FHAD1: variants seen among roughly 807,000 people sequenced by gnomAD.
The protein encoded by FHAD1 is forkhead associated phosphopeptide binding domain 1.
Under a neutral mutation model 191.3 loss-of-function variants are expected in FHAD1, and 146 were observed. That is an observed-to-expected ratio of 0.76 (90% CI 0.67 to 0.88). FHAD1 has a LOEUF of 0.88. FHAD1 is among the 40% of genes least tolerant of loss of function. The pLI is 0.00. For missense variants in FHAD1, 1,635 were observed against 1,785.8 expected, an observed-to-expected ratio of 0.92 and a Z score of 1.52; for synonymous variants, 616 against 672.3, an observed-to-expected ratio of 0.92 and a Z score of 1.29.
At chr1:15,365,973 C>T (rs1696297628) in intron 24 of FHAD1, 40 bp downstream of exon 24, 1 of 1,362,386 alleles carries the variant, frequency 7.3e-7, no homozygotes, top group Non-Finnish European at 1.0e-6. Context: ...TCCTGACCCA[C>T]TCGAGAAAGG....
chr1:15,280,069 GAGA>G (rs1345028117), intron 3 of FHAD1, among the ~76,000 whole-genome samples: 1 of 152,170 alleles, frequency 6.6e-6, no homozygotes, highest in East Asian at 1.9e-4. Context: ...GGTGTATGAT[GAGA>G]AGGACACAGA....
intron 21 of FHAD1, 38 bp downstream of exon 21, chr1:15,358,321 C>T (rs1693535120): frequency 6.6e-7 from 1 of 1,511,912 alleles, no homozygotes; most frequent in East Asian, 2.5e-5. Context: ...GAATTTTTCT[C>T]TCAATGGAAG....
rs1407972629 is a variant in FHAD1, at chr1:15,394,590, C to T, written c.4324-2707C>T. Among the ~76,000 whole-genome samples the T allele has an allele frequency of 6.6e-5, 10 of 152,118 alleles. No homozygotes were observed. In the East Asian group the frequency reaches 1.9e-3, roughly 29 times the overall value. ...TCCTGTCAGCCACTGTCACAGGCCT[C>T]AGGAGGTGATTTTTAAATCCATCTT... On this transcript the variant is annotated intron_variant, in intron 33 of 33. Transcript: ENST00000688493.
intron 1 of FHAD1, 124 bp from the exon 2 acceptor site, chr1:15,251,647 C>G: frequency 2.8e-6 from 2 of 715,550 alleles, no homozygotes; most frequent in Non-Finnish European, 4.6e-6. Context: ...ATCTAATCCC[C>G]CCTCTTCTGA....
chr1:15,329,723 A>T lies in FHAD1; in HGVS notation c.1906+182A>T. 1.8e-6 allele frequency: 1 copy of T among 547,666 alleles called. No homozygotes were observed. Among genetic ancestry groups the T allele is most frequent in the Non-Finnish European group, 3.3e-6 (1 of 307,370 alleles). 33.9% of individuals were successfully genotyped at this position (547,666 alleles called of 1,614,324 possible). On this transcript the variant is annotated intron_variant, in intron 14 of 33. Transcript: ENST00000688493. This position sits in a 1 kb window ranked among gnomAD's most constrained non-coding sequence, Gnocchi z 5.0. ...TTCCATTAAAAAAAAAAACACACAC[A>T]TACAAGTGAGACACGATAACTGAAG...
downstream of FHAD1, among the ~76,000 whole-genome samples, chr1:15,398,823 C>CT (rs1172501958): frequency 0.017 from 2,491 of 142,756 alleles, 80 homozygotes; most frequent in African/African-American, 0.057. Context: ...ATCATGAATA[C>CT]TTTTTTTTTT....
downstream of FHAD1, among the ~76,000 whole-genome samples, chr1:15,398,518 AGTTGAGTCTTGAACCCAG>A (rs1706666186): frequency 6.6e-6 from 1 of 152,090 alleles, no homozygotes; most frequent in South Asian, 2.1e-4. Flanking sequence ...TCAACTCAAG[AGTTGAGTCTTGAACCCAG>A]GTTTCTAATT....
chr1:15,345,183 A>C lies in FHAD1; in HGVS notation c.2231A>C (p.Gln744Pro). The change falls in exon 17 of 34, where the codon CAG becomes CCG. Residue 744 changes from glutamine to proline, a missense_variant. Transcript: ENST00000688493. ...MQELESLLAQ[Q>P]KKALAKSITQ... ...GAACTGGAGAGCCTCCTGGCCCAGCAGAAGAAGGTATGTGGCTCAGGGAGA... is the reference window on the plus strand; with the variant it reads ...GAACTGGAGAGCCTCCTGGCCCAGCCGAAGAAGGTATGTGGCTCAGGGAGA... The C allele has an allele frequency of 6.4e-7, 1 of 1,551,304 alleles. No homozygotes were observed. The highest frequency in any genetic ancestry group is 8.7e-7 in the Non-Finnish European group (1 of 1,146,644).
At chr1:15,310,590 A>G (rs536470544) in intron 7 of FHAD1, among the ~76,000 whole-genome samples, 1 of 152,312 alleles carries the variant, frequency 6.6e-6, no homozygotes, top group African/African-American at 2.4e-5. Context: ...TCCCTGGACC[A>G]GCAGCATCAG....
Position 15,381,199 on chromosome 1 carries a change from A to G in FHAD1, c.3802-32A>G. The stretch of plus-strand genomic sequence containing the variant: ...AAGCGGCCACCAGCGGCCGCGGGTA[A>G]TGCCTCTTATGCGCGAACGTTTTCC... On this transcript the variant is annotated intron_variant, in intron 29 of 33. Coordinates refer to ENST00000688493, the MANE Select transcript of FHAD1 (RefSeq NM_001391957.1). This position sits in a 1 kb window ranked among gnomAD's most constrained non-coding sequence, Gnocchi z 4.6. 1 of 1,487,072 alleles carries G rather than the reference A, an allele frequency of 6.7e-7. No homozygotes were observed. The highest frequency in any genetic ancestry group is 9.2e-7 in the Non-Finnish European group (1 of 1,090,398). The allele number at this position is 1,487,072 out of a possible 1,614,324, so 92.1% of individuals were successfully genotyped here.
intron 2 of FHAD1, among the ~76,000 whole-genome samples, chr1:15,263,836 A>G (rs1434108740): frequency 6.6e-6 from 1 of 152,056 alleles, no homozygotes; most frequent in Non-Finnish European, 1.5e-5. Flanking sequence ...TCATTCTTTT[A>G]CTAATACATG....
At chr1:15,288,517 T>C (rs1165042758) in intron 3 of FHAD1, among the ~76,000 whole-genome samples, 1 of 152,180 alleles carries the variant, frequency 6.6e-6, no homozygotes, top group Non-Finnish European at 1.5e-5. Context: ...CTTTGAGGGA[T>C]AGAGGGACCC....
At chr1:15,248,335 C>G (rs990300988) in intron 1 of FHAD1, among the ~76,000 whole-genome samples, 2 of 152,094 alleles carry the variant, frequency 1.3e-5, no homozygotes, top group Non-Finnish European at 2.9e-5. Context: ...TAGCAGAAGA[C>G]CAGAGACTCC....
intron 20 of FHAD1, among the ~76,000 whole-genome samples, chr1:15,353,704 C>CAAAAAAAAAAAAAA (rs60518389): frequency 4.9e-5 from 3 of 60,986 alleles, no homozygotes; most frequent in Admixed American, 2.6e-4. Context: ...GACTCCATCT[C>CAAAAAAAAAAAAAA]AAAAAAAAAA....
In FHAD1 at chr1:15,296,802, G is replaced by A; in HGVS notation, c.678+9G>A. 6.5e-7 allele frequency: 1 copy of A among 1,548,946 alleles called. No homozygotes were observed. Among genetic ancestry groups the A allele is most frequent in the Non-Finnish European group, 8.7e-7 (1 of 1,144,800 alleles). On this transcript the variant is annotated intron_variant, in intron 5 of 33. Transcript: ENST00000688493. ...TGGCCCAGCAGGACAAGGTGAGGGAGGGGTCTGGGGAAGGGTGGAGCTGCA... is the reference window on the plus strand; with the variant it reads ...TGGCCCAGCAGGACAAGGTGAGGGAAGGGTCTGGGGAAGGGTGGAGCTGCA...
At chr1:15,376,367 G>A (rs1699664908) in intron 28 of FHAD1, among the ~76,000 whole-genome samples, 1 of 152,194 alleles carries the variant, frequency 6.6e-6, no homozygotes, top group Non-Finnish European at 1.5e-5. Flanking sequence ...TGGGATGACA[G>A]GCGTGAGCCA....
chr1:15,338,992 A>C (rs879557295), intron 14 of FHAD1, among the ~76,000 whole-genome samples: 4 of 152,140 alleles, frequency 2.6e-5, no homozygotes, highest in Non-Finnish European at 4.4e-5. Context: ...ATGTGAGCTC[A>C]ACCAAGGCTT....
chr1:15,301,291 A>G lies in FHAD1; in HGVS notation c.765A>G (p.Ala255=). ...IESKYKDVII[A]NLQNEVAELS... ...CCAAATACAAAGACGTCATAATAGC[A>G]AACCTGCAGAATGAAGTGGCTGAGC... The change falls in exon 6 of 34, where the codon GCA becomes GCG. Residue 255 remains alanine (A), a synonymous_variant. Transcript: ENST00000688493. The G allele has an allele frequency of 6.4e-7, 1 of 1,551,792 alleles. No individual in the cohort carries two copies. The highest frequency in any genetic ancestry group is 8.7e-7 in the Non-Finnish European group (1 of 1,147,000).
rs967659607 is a variant in FHAD1 at position 15,398,262 on chromosome 1, G to A, written c.*849G>A. 8.2e-5 allele frequency: 11 copies of A among 133,950 alleles called. No individual in the cohort carries two copies. Among genetic ancestry groups the A allele is most frequent in the Admixed American group, 4.9e-4 (6 of 12,278 alleles). The allele number at this position is 133,950 out of a possible 1,614,324, so 8.3% of individuals were successfully genotyped here. A position where few individuals can be genotyped will look rare whatever the true frequency, so the allele number is the denominator to read the frequency against. Reference sequence around the variant, plus strand: ...ACTGCACTCTAGCCTGAGTGACAGAGCAAGACTCCATCTCAAAAAAAAAAA... The same window carrying A: ...ACTGCACTCTAGCCTGAGTGACAGAACAAGACTCCATCTCAAAAAAAAAAA... On this transcript the variant is annotated 3_prime_UTR_variant, in exon 34 of 34. Transcript: ENST00000688493.
Sources: allele counts gnomAD v4.1 joint callset (sites outside exome capture counted in the v4.1 genomes callset), GRCh38; gene constraint gnomAD v4.1.1; non-coding constraint Gnocchi (gnomAD v3.1); transcripts MANE v1.5; gene names NCBI Gene and HGNC (gene_info 2026-07-23, HGNC 2026-07-21).